The following ADAMTS19 variants were observed in gnomAD, a reference collection of about 807,000 sequenced individuals.
The protein encoded by ADAMTS19 is A disintegrin and metalloproteinase with thrombospondin motifs 19.
In ADAMTS19, 93 loss-of-function variants were observed where a neutral mutation model predicts 153.3. The ratio of observed to expected loss-of-function variants is 0.61; its 90% CI spans 0.51 to 0.72. The LOEUF is 0.72. Ranked by LOEUF, ADAMTS19 falls within the 30% of genes least tolerant of loss-of-function variation. The probability of loss-of-function intolerance (pLI) is 0.00; values close to 1 mark genes in which losing one functional copy is unlikely to be tolerated. For missense variants in ADAMTS19, 1,482 were observed against 1,552.1 expected (o/e 0.95, Z 0.76); for synonymous variants, 600 against 556.6 (o/e 1.08, Z -1.10).
At chr5:129,677,428 G>C (rs1463275115) in intron 16 of ADAMTS19, among the ~76,000 whole-genome samples, 1 of 151,760 alleles carries the variant, frequency 6.6e-6, no homozygotes, top group Admixed American at 6.6e-5. Flanking sequence ...AGTGAGCTGA[G>C]ATCGGGCCAC....
At chr5:129,645,198 T>C (rs1252366778) in intron 11 of ADAMTS19, among the ~76,000 whole-genome samples, 2 of 152,220 alleles carry the variant, frequency 1.3e-5, no homozygotes, top group African/African-American at 4.8e-5. Context: ...ATTGAATTAG[T>C]AGATAAGACA....
intron 16 of ADAMTS19, among the ~76,000 whole-genome samples, chr5:129,672,600 A>T (rs1409059227): frequency 2.0e-5 from 3 of 152,176 alleles, no homozygotes; most frequent in Non-Finnish European, 4.4e-5. Context: ...GGAGAGAGAG[A>T]AATTGCACCA....
At chr5:129,700,095 A>T (rs1008766888) in intron 19 of ADAMTS19, among the ~76,000 whole-genome samples, 47 of 152,306 alleles carry the variant, frequency 3.1e-4, no homozygotes, top group African/African-American at 8.4e-4. Flanking sequence ...GGAAGATTTT[A>T]ATTGACAGGA....
chr5:129,477,951 A>G (rs1202852334), intron 2 of ADAMTS19, among the ~76,000 whole-genome samples: 1 of 152,164 alleles, frequency 6.6e-6, no homozygotes, highest in Non-Finnish European at 1.5e-5. Context: ...TTCTATTCTC[A>G]GTATTCTTAA....
chr5:129,654,252 A>G, intron 13 of ADAMTS19, 54 bp from the exon 14 acceptor site: 1 of 1,514,638 alleles, frequency 6.6e-7, no homozygotes, highest in South Asian at 1.3e-5. Flanking sequence ...GCTTAAGATA[A>G]AAATATTTAT....
intron 2 of ADAMTS19, among the ~76,000 whole-genome samples, chr5:129,503,827 C>CA (rs985568552): frequency 1.0e-4 from 15 of 145,514 alleles, no homozygotes; most frequent in South Asian, 4.3e-4. Context: ...CACTCCATCT[C>CA]AAAAAAAAAA....
chr5:129,585,680 T>C (rs953048433), intron 7 of ADAMTS19, among the ~76,000 whole-genome samples: 2 of 152,180 alleles, frequency 1.3e-5, no homozygotes, highest in African/African-American at 2.4e-5. Flanking sequence ...TCTTTCTGTC[T>C]GAAGAAACAG....
At chr5:129,631,214 A>G (rs1752277089) in intron 10 of ADAMTS19, among the ~76,000 whole-genome samples, 1 of 149,406 alleles carries the variant, frequency 6.7e-6, no homozygotes, top group African/African-American at 2.5e-5. Context: ...ATATGATCCA[A>G]ACTTTCCACT....
At chr5:129,519,562 T>C (rs891170511) in intron 3 of ADAMTS19, among the ~76,000 whole-genome samples, 4 of 151,880 alleles carry the variant, frequency 2.6e-5, no homozygotes, top group African/African-American at 9.7e-5. Context: ...TGGCCTAGCC[T>C]GCCTTTCAAG....
At chr5:129,565,919 G>A (rs978882937) in intron 7 of ADAMTS19, among the ~76,000 whole-genome samples, 4 of 152,014 alleles carry the variant, frequency 2.6e-5, no homozygotes, top group African/African-American at 9.7e-5. Flanking sequence ...CAGTATTGGG[G>A]AAAATTGGCA....
chr5:129,600,365 A>G (rs1394286303), intron 8 of ADAMTS19, among the ~76,000 whole-genome samples: 1 of 152,152 alleles, frequency 6.6e-6, no homozygotes, highest in East Asian at 1.9e-4. Flanking sequence ...AGTGAAGACT[A>G]TCTTCTAGAA....
chr5:129,730,925 GTTTTTTTGTT>G (rs1482586752), intron 21 of ADAMTS19, among the ~76,000 whole-genome samples: 1 of 135,146 alleles, frequency 7.4e-6, no homozygotes, highest in East Asian at 2.3e-4. Flanking sequence ...TAGTGTTGTT[GTTTTTTTGTT>G]TTGTTTTGTT....
chr5:129,489,748 T>G (rs1311270776), intron 2 of ADAMTS19, among the ~76,000 whole-genome samples: 1 of 151,986 alleles, frequency 6.6e-6, no homozygotes, highest in East Asian at 1.9e-4. Context: ...GCAGCCAGAG[T>G]GTGCAGTTTC....
intron 2 of ADAMTS19, among the ~76,000 whole-genome samples, chr5:129,502,001 T>C (rs1467419108): frequency 6.6e-6 from 1 of 151,988 alleles, no homozygotes; most frequent in Non-Finnish European, 1.5e-5. Flanking sequence ...GAGTTAATCT[T>C]GAAGGGTGGC....
rs911482180 is a variant in ADAMTS19 at position 129,460,300 on chromosome 5, C to A, written c.-92C>A. On this transcript the variant is annotated 5_prime_UTR_variant, in exon 1 of 23. Transcript: ENST00000274487. ...GGGCCTGGGCAAATTCGCCGCCCGG[C>A]CTCCTAGCGCTCCGGGGAGGCCGCT... 2.0e-6 allele frequency: 2 copies of A among 988,796 alleles called. No individual in the cohort carries two copies. The highest frequency in any genetic ancestry group is 3.0e-6 in the Non-Finnish European group (2 of 668,318). 61.3% of individuals were successfully genotyped at this position (988,796 alleles called of 1,614,324 possible). A position where few individuals can be genotyped will look rare whatever the true frequency, so the allele number is the denominator to read the frequency against.
intron 6 of ADAMTS19, among the ~76,000 whole-genome samples, chr5:129,539,347 A>G (rs1454829619): frequency 6.6e-6 from 1 of 152,114 alleles, no homozygotes; most frequent in Non-Finnish European, 1.5e-5. Flanking sequence ...TGCAGACAGA[A>G]AAACAGGTCA....
chr5:129,628,471 AT>A (rs1752152742), intron 10 of ADAMTS19, among the ~76,000 whole-genome samples: 2 of 152,040 alleles, frequency 1.3e-5, no homozygotes, highest in African/African-American at 4.8e-5. Flanking sequence ...ATAAAAAAAA[AT>A]TTTTAAAGCT....
intron 10 of ADAMTS19, among the ~76,000 whole-genome samples, chr5:129,636,605 G>A (rs1752545451): frequency 6.6e-6 from 1 of 152,144 alleles, no homozygotes. Context: ...ACTTCTGCCA[G>A]TAGCTATGTA....
At chr5:129,696,275 G>A (rs1755546637) in intron 19 of ADAMTS19, among the ~76,000 whole-genome samples, 1 of 152,010 alleles carries the variant, frequency 6.6e-6, no homozygotes, top group Non-Finnish European at 1.5e-5. Flanking sequence ...AAATTAGCCA[G>A]GCATGGTAGC....
Sources: gnomAD v4.1 joint callset for allele counts (sites outside exome capture counted in the v4.1 genomes callset) on GRCh38, gnomAD v4.1.1 for gene constraint, MANE v1.5 for transcripts, NCBI Gene and HGNC (gene_info 2026-07-23, HGNC 2026-07-21) for gene names.